ZFHX3: variants seen among roughly 807,000 people sequenced by gnomAD.
ZFHX3 encodes the protein zinc finger homeobox protein 3.
In ZFHX3, 42 loss-of-function variants were observed where a neutral mutation model predicts 279.1. That is an observed-to-expected ratio of 0.15 (90% CI 0.12 to 0.19). The LOEUF (loss-of-function observed/expected upper bound fraction) is 0.19, where lower values mean the gene tolerates loss of function less well. Ranked by LOEUF, ZFHX3 falls within the 10% of genes least tolerant of loss-of-function variation. The pLI, the probability that ZFHX3 is intolerant of heterozygous loss-of-function variation, is 1.00. For missense variants in ZFHX3, 4,981 were observed against 4,754.0 expected (o/e 1.05, Z -1.40); for synonymous variants, 2,293 against 1,957.8 (o/e 1.17, Z -4.52).
intron 2 of ZFHX3, among the ~76,000 whole-genome samples, chr16:73,484,981 A>T (rs2018948072): frequency 6.6e-6 from 1 of 151,894 alleles, no homozygotes. Flanking sequence ...AAAAAAAAAA[A>T]TGGAATTTTC....
intron 3 of ZFHX3, among the ~76,000 whole-genome samples, chr16:72,938,708 C>T (rs1960253686): frequency 6.6e-6 from 1 of 152,180 alleles, no homozygotes. Context: ...ATTAGGGCGG[C>T]AAGACCCTGG....
At chr16:73,643,063 A>G (rs914582350) in intron 2 of ZFHX3, among the ~76,000 whole-genome samples, 1 of 152,244 alleles carries the variant, frequency 6.6e-6, no homozygotes, top group African/African-American at 2.4e-5. Context: ...TTAGGGTCAC[A>G]TAAAAGGAGT....
chr16:73,241,024 G>T (rs1217180281), intron 5 of ZFHX3, among the ~76,000 whole-genome samples: 1 of 152,178 alleles, frequency 6.6e-6, no homozygotes, highest in Non-Finnish European at 1.5e-5. Context: ...GGATGGGGTG[G>T]TGCATTTTTC....
chr16:73,705,152 C>T (rs142816083), intron 1 of ZFHX3, among the ~76,000 whole-genome samples: 1 of 152,144 alleles, frequency 6.6e-6, no homozygotes, highest in Non-Finnish European at 1.5e-5. Context: ...TGATTATTAT[C>T]TTTGCTTTTA....
At chr16:72,828,169 T>A (rs2036978239) in intron 5 of ZFHX3, among the ~76,000 whole-genome samples, 1 of 152,148 alleles carries the variant, frequency 6.6e-6, no homozygotes. Context: ...CCTGGAAAAG[T>A]AACAAAGGCC....
At chr16:72,929,022 A>T (rs2144281125) in intron 3 of ZFHX3, among the ~76,000 whole-genome samples, 1 of 152,060 alleles carries the variant, frequency 6.6e-6, no homozygotes, top group South Asian at 2.1e-4. Context: ...CAGATCACTA[A>T]AAGTCAGGAG....
chr16:73,675,228 C>T (rs2052942743), intron 2 of ZFHX3, among the ~76,000 whole-genome samples: 2 of 152,220 alleles, frequency 1.3e-5, no homozygotes, highest in South Asian at 4.1e-4. Flanking sequence ...CATATTCTCA[C>T]AAGGCATGGG....
At chr16:73,253,608 C>G (rs58353543) in intron 5 of ZFHX3, among the ~76,000 whole-genome samples, 1 of 104,064 alleles carries the variant, frequency 9.6e-6, no homozygotes, top group African/African-American at 4.6e-5. Context: ...CCTGCCACCA[C>G]GCCCGGCTAA....
chr16:72,931,404 TACACAC>T (rs59696404), intron 3 of ZFHX3, among the ~76,000 whole-genome samples: 17,844 of 119,798 alleles, frequency 0.15, 1,490 homozygotes, highest in African/African-American at 0.23. Context: ...TTTATTTCAT[TACACAC>T]ACACACACAC....
intron 1 of ZFHX3, among the ~76,000 whole-genome samples, chr16:73,773,036 G>A (rs1407535640): frequency 6.6e-6 from 1 of 152,202 alleles, no homozygotes; most frequent in East Asian, 1.9e-4. Context: ...CTTAGACCCA[G>A]GCTGATCAGT....
At chr16:73,757,907 T>C (rs2053827374) in intron 1 of ZFHX3, among the ~76,000 whole-genome samples, 1 of 152,216 alleles carries the variant, frequency 6.6e-6, no homozygotes. Flanking sequence ...AGTTTATCTT[T>C]ATACTCCATA....
At chr16:73,586,050 T>C (rs1483899574) in intron 2 of ZFHX3, among the ~76,000 whole-genome samples, 1 of 151,706 alleles carries the variant, frequency 6.6e-6, no homozygotes, top group Non-Finnish European at 1.5e-5. Context: ...ACTAAGAAAA[T>C]AGACAGGGAC....
intron 5 of ZFHX3, among the ~76,000 whole-genome samples, chr16:73,152,759 T>G (rs1966973311): frequency 8.9e-6 from 1 of 111,966 alleles, no homozygotes; most frequent in African/African-American, 3.8e-5. Context: ...AATGAGTTGC[T>G]TAAAAAAAAA....
At chr16:73,426,406 T>C (rs970762091) in intron 3 of ZFHX3, among the ~76,000 whole-genome samples, 1 of 152,134 alleles carries the variant, frequency 6.6e-6, no homozygotes, top group Non-Finnish European at 1.5e-5. Context: ...AGGTGATAAA[T>C]GGCCTGGGCT....
At chr16:73,133,391 G>A (rs1373006833) in intron 6 of ZFHX3, among the ~76,000 whole-genome samples, 1 of 152,040 alleles carries the variant, frequency 6.6e-6, no homozygotes, top group Admixed American at 6.5e-5. Context: ...GTGTGGTGGC[G>A]AGTGCCTGTA....
intron 7 of ZFHX3, among the ~76,000 whole-genome samples, chr16:73,120,335 A>G (rs529662687): frequency 4.1e-4 from 61 of 149,782 alleles, no homozygotes; most frequent in African/African-American, 1.5e-3. Context: ...GTGCAATCAT[A>G]GCTCATTGCA....
At chr16:73,172,584 G>A (rs964270408) in intron 5 of ZFHX3, among the ~76,000 whole-genome samples, 1 of 152,196 alleles carries the variant, frequency 6.6e-6, no homozygotes, top group African/African-American at 2.4e-5. Flanking sequence ...TGTTCAAGAT[G>A]GTAGCTCTAT....
chr16:73,127,435 G>C, intron 7 of ZFHX3: 1 of 1,305,424 alleles, frequency 7.7e-7, no homozygotes, highest in Non-Finnish European at 1.0e-6. Flanking sequence ...GAGCATCTCT[G>C]TTCCGGAACT....
In ZFHX3 at chr16:73,523,622, T is replaced by G. The variant is rs825856; in HGVS notation, c.-1546-67364A>C. Among the ~76,000 whole-genome samples, 497 of 19,720 alleles carry G rather than the reference T, an allele frequency of 0.025. 1 individual carries two copies. In the East Asian group the frequency reaches 0.42, roughly 17 times the overall value. 12.9% of individuals were successfully genotyped at this position (19,720 alleles called of 152,430 possible). A position where few individuals can be genotyped will look rare whatever the true frequency, so the allele number is the denominator to read the frequency against. ...TAGGGGGCAGGGAATGGAAGCTGGG[T>G]TTTTTTTTTTTTTTTCATATGTATA... On this transcript the variant is annotated intron_variant, in intron 2 of 17. Coordinates refer to the ZFHX3 transcript ENST00000641206.
Sources: allele counts gnomAD v4.1 joint callset (sites outside exome capture counted in the v4.1 genomes callset), GRCh38; gene constraint gnomAD v4.1.1; transcripts MANE v1.5; gene names NCBI Gene and HGNC (gene_info 2026-07-23, HGNC 2026-07-21).